Variants in CACNA1E observed in about 807,000 individuals in gnomAD.
CACNA1E encodes voltage-dependent R-type calcium channel subunit alpha-1E.
A neutral mutation model predicts 259.2 loss-of-function variants in CACNA1E; 40 were observed. The observed-to-expected ratio is 0.15, with a 90% CI of 0.12 to 0.20. The LOEUF is 0.20. CACNA1E is among the 10% of genes least tolerant of loss of function. The pLI is 1.00. For synonymous variants in CACNA1E, 1,104 were observed against 1,138.5 expected, an observed-to-expected ratio of 0.97 and a Z score of 0.61; for missense variants, 1,874 against 3,040.1, an observed-to-expected ratio of 0.62 and a Z score of 9.02.
Position 181,757,140 on chromosome 1 carries a change from G to A in CACNA1E, c.4329+14G>A, listed in dbSNP as rs138957815. On this transcript the variant is annotated intron_variant, in intron 30 of 47. Coordinates refer to ENST00000367573, the MANE Select transcript of CACNA1E (RefSeq NM_001205293.3). ...GAGAAGAATGAGGTAATGACAATTG[G>A]TCTAAAGTGGGGAGCAGCAGAGGCT... 7.5e-4 allele frequency: 1,192 copies of A among 1,595,320 alleles called. 10 individuals are homozygous for A. In the African/African-American group the frequency reaches 0.014, roughly 18 times the overall value.
intron 7 of CACNA1E, among the ~76,000 whole-genome samples, chr1:181,702,287 C>T (rs907517517): frequency 1.3e-5 from 2 of 152,030 alleles, no homozygotes; most frequent in African/African-American, 4.8e-5. Context: ...CCAGCAAGTC[C>T]TCCTAGCTGT....
intron 7 of CACNA1E, chr1:181,652,060 A>G (rs530938415): frequency 1.3e-5 from 2 of 152,318 alleles, no homozygotes; most frequent in East Asian, 1.9e-4. Flanking sequence ...GGACAAATCT[A>G]TGTAATCTGA....
intron 1 of CACNA1E, among the ~76,000 whole-genome samples, chr1:181,400,797 A>T (rs986756743): frequency 3.3e-5 from 5 of 151,972 alleles, no homozygotes; most frequent in African/African-American, 1.2e-4. Context: ...GCTCCTATTG[A>T]TCAGGCACTT....
chr1:181,496,925 T>A (rs1261952519), intron 1 of CACNA1E, among the ~76,000 whole-genome samples: 1 of 152,116 alleles, frequency 6.6e-6, no homozygotes, highest in Non-Finnish European at 1.5e-5. Flanking sequence ...AGTCTGTTGA[T>A]ATGAGGAGCA....
In CACNA1E at chr1:181,528,502, A is replaced by T. The variant is rs532498429; in HGVS notation, c.512+16992A>T. Reference sequence around the variant, plus strand: ...GTGACTTTGGAACTGGATAACAGGCAGAGGTTGGAACAGTTTGGAGGGCTC... The same window carrying T: ...GTGACTTTGGAACTGGATAACAGGCTGAGGTTGGAACAGTTTGGAGGGCTC... On this transcript the variant is annotated intron_variant, in intron 3 of 47. Coordinates refer to ENST00000367573, the MANE Select transcript of CACNA1E (RefSeq NM_001205293.3). 1.7e-4 allele frequency among the ~76,000 whole-genome samples: 26 copies of T among 152,358 alleles called. No individual in the cohort carries two copies. In the South Asian group the frequency reaches 4.8e-3, roughly 28 times the overall value.
In CACNA1E at chr1:181,802,240, C is replaced by CTGT. The variant is rs1662332009; in HGVS notation, c.*3408_*3410dup. ...TCTGCTGCTCTTCTGGCTGAAGAAT[C>CTGT]TGTTTTTCTTCTGGGCTTCACTTGT... is the stretch of plus-strand genomic sequence containing the variant. On this transcript the variant is annotated 3_prime_UTR_variant, in exon 48 of 48. Coordinates refer to ENST00000367573, the MANE Select transcript of CACNA1E (RefSeq NM_001205293.3). The CTGT allele has an allele frequency of 6.6e-6, 1 of 152,292 alleles. No homozygotes were observed. Among genetic ancestry groups the CTGT allele is most frequent in the Admixed American group, 6.5e-5 (1 of 15,282 alleles). 9.4% of individuals were successfully genotyped at this position (152,292 alleles called of 1,614,324 possible).
intron 7 of CACNA1E, among the ~76,000 whole-genome samples, chr1:181,709,614 C>A (rs1266139294): frequency 1.3e-5 from 2 of 152,068 alleles, no homozygotes; most frequent in East Asian, 3.8e-4. Flanking sequence ...GGGTGCTGGA[C>A]TCCCTCAGAT....
rs941774757 is a variant in CACNA1E at position 181,343,220 on chromosome 1, C to T, written c.-15+25097C>T. On this transcript the variant is annotated intron_variant, in intron 1 of 11. Transcript: ENST00000524607. Reference sequence around the variant, plus strand: ...AGGGAGAGAGAAAGAATGCTGCTTTCGTTCTGTCAAGTTTGAGAGGCTGAT... The same window carrying T: ...AGGGAGAGAGAAAGAATGCTGCTTTTGTTCTGTCAAGTTTGAGAGGCTGAT... Among the ~76,000 whole-genome samples, 7 of 151,956 alleles carry T rather than the reference C, an allele frequency of 4.6e-5. No homozygotes were observed. The East Asian group carries it at 5.8e-4, about 13-fold the overall frequency.
intron 1 of CACNA1E, among the ~76,000 whole-genome samples, chr1:181,382,209 C>G (rs977481332): frequency 6.6e-6 from 1 of 152,108 alleles, no homozygotes; most frequent in Non-Finnish European, 1.5e-5. Context: ...TTGCAGAGGC[C>G]TTGAGATGAG....
chr1:181,439,516 A>G (rs1660312878), intron 2 of CACNA1E, among the ~76,000 whole-genome samples: 1 of 151,864 alleles, frequency 6.6e-6, no homozygotes, highest in South Asian at 2.1e-4. Flanking sequence ...TAGAGGATGA[A>G]CCCCTTAAGG....
At chr1:181,536,788 G>T (rs1487502156) in intron 3 of CACNA1E, among the ~76,000 whole-genome samples, 1 of 152,086 alleles carries the variant, frequency 6.6e-6, no homozygotes, top group Non-Finnish European at 1.5e-5. Context: ...TTCCTCTCAG[G>T]CATGGAAAGG....
At chr1:181,358,147 A>G (rs2101907610) in intron 1 of CACNA1E, among the ~76,000 whole-genome samples, 1 of 152,298 alleles carries the variant, frequency 6.6e-6, no homozygotes, top group East Asian at 1.9e-4. Flanking sequence ...GGCCGGGTCC[A>G]CAGCTAGCTC....
At chr1:181,581,381 T>C (rs954626234) in intron 6 of CACNA1E, among the ~76,000 whole-genome samples, 16 of 152,186 alleles carry the variant, frequency 1.1e-4, no homozygotes, top group African/African-American at 3.9e-4. Context: ...AAAAGCATGC[T>C]TAATTGTGAG....
chr1:181,455,218 T>C (rs2102350327), intron 2 of CACNA1E, among the ~76,000 whole-genome samples: 1 of 152,314 alleles, frequency 6.6e-6, no homozygotes, highest in African/African-American at 2.4e-5. Flanking sequence ...CTTTTGAAAT[T>C]TGGCTCATCC....
intron 1 of CACNA1E, among the ~76,000 whole-genome samples, chr1:181,504,995 G>A (rs1314685776): frequency 1.3e-5 from 2 of 152,166 alleles, no homozygotes; most frequent in African/African-American, 4.8e-5. Flanking sequence ...TGAGCAGTGA[G>A]CTGGTACAGG....
chr1:181,608,982 C>G (rs1654491037), intron 6 of CACNA1E, among the ~76,000 whole-genome samples: 1 of 152,228 alleles, frequency 6.6e-6, no homozygotes. Flanking sequence ...ACACAGACAG[C>G]TTTAGCATCA....
At chr1:181,580,330 G>A (rs137990139) in intron 5 of CACNA1E, among the ~76,000 whole-genome samples, 1 of 152,268 alleles carries the variant, frequency 6.6e-6, no homozygotes, top group Non-Finnish European at 1.5e-5. Context: ...TTCAGGTGAG[G>A]GTAGAGGATG....
chr1:181,730,765 G>A (rs1416926821), intron 18 of CACNA1E, among the ~76,000 whole-genome samples: 2 of 152,190 alleles, frequency 1.3e-5, no homozygotes, highest in African/African-American at 4.8e-5. Flanking sequence ...CCCAATGAAT[G>A]TGCTATGCTA....
At chr1:181,379,463 G>A (rs1363474351) in intron 1 of CACNA1E, among the ~76,000 whole-genome samples, 1 of 152,196 alleles carries the variant, frequency 6.6e-6, no homozygotes, top group Non-Finnish European at 1.5e-5. Flanking sequence ...CTATGTTTTA[G>A]TCGGTTTGAA....
Sources: allele counts gnomAD v4.1 joint callset (sites outside exome capture counted in the v4.1 genomes callset), GRCh38; gene constraint gnomAD v4.1.1; transcripts MANE v1.5; gene names NCBI Gene and HGNC (gene_info 2026-07-23, HGNC 2026-07-21).